Variants in ADAMTSL3 observed in about 807,000 individuals in gnomAD.
ADAMTSL3 encodes ADAMTS like 3.
In ADAMTSL3, 128 loss-of-function variants were observed where a neutral mutation model predicts 201.7. The ratio of observed to expected loss-of-function variants is 0.63; its 90% confidence interval spans 0.55 to 0.73. The LOEUF is 0.73. Ranked by LOEUF, ADAMTSL3 falls within the 30% of genes least tolerant of loss-of-function variation. ADAMTSL3 has a pLI of 0.00. For synonymous variants in ADAMTSL3, 738 were observed against 748.4 expected, an observed-to-expected ratio of 0.99 and a Z score of 0.23; for missense variants, 1,990 against 2,119.6, an observed-to-expected ratio of 0.94 and a Z score of 1.20.
intron 20 of ADAMTSL3, among the ~76,000 whole-genome samples, chr15:83,981,760 C>T (rs2067388151): frequency 6.6e-6 from 1 of 152,212 alleles, no homozygotes. Context: ...CCTTCAAATA[C>T]ATTTGCTCAC....
chr15:83,773,436 C>A, intron 3 of ADAMTSL3, 87 bp from the exon 4 acceptor site: 2 of 1,421,618 alleles, frequency 1.4e-6, no homozygotes, highest in African/African-American at 1.5e-5. Context: ...TCTGGAATAA[C>A]TGGGGAAGAT....
intron 4 of ADAMTSL3, among the ~76,000 whole-genome samples, chr15:83,788,013 A>G (rs1388205129): frequency 6.6e-6 from 1 of 152,176 alleles, no homozygotes; most frequent in African/African-American, 2.4e-5. Context: ...TTATTAAATT[A>G]TGCCTCTATA....
chr15:83,927,170 G>T (rs577550491), intron 17 of ADAMTSL3, among the ~76,000 whole-genome samples: 1 of 150,928 alleles, frequency 6.6e-6, no homozygotes, highest in Non-Finnish European at 1.5e-5. Context: ...AGGCTGGAGT[G>T]CAATGGCACA....
chr15:83,973,576 A>G (rs562512071), intron 20 of ADAMTSL3, among the ~76,000 whole-genome samples: 4 of 152,340 alleles, frequency 2.6e-5, no homozygotes, highest in South Asian at 4.1e-4. Context: ...TAGAGGGGCA[A>G]TAATGGCTTT....
At chr15:83,906,299 CAG>C (rs989734585) in intron 15 of ADAMTSL3, among the ~76,000 whole-genome samples, 3 of 152,088 alleles carry the variant, frequency 2.0e-5, no homozygotes, top group Non-Finnish European at 4.4e-5. Flanking sequence ...CCGTTTGGCT[CAG>C]AACTGCATTT....
intron 4 of ADAMTSL3, among the ~76,000 whole-genome samples, chr15:83,779,813 C>T (rs2063138441): frequency 6.6e-6 from 1 of 151,404 alleles, no homozygotes; most frequent in African/African-American, 2.4e-5. Flanking sequence ...AATTGAATAA[C>T]TTGCTTCTGA....
At chr15:83,979,976 C>T (rs1596492001) in intron 20 of ADAMTSL3, among the ~76,000 whole-genome samples, 1 of 152,200 alleles carries the variant, frequency 6.6e-6, no homozygotes, top group African/African-American at 2.4e-5. Flanking sequence ...ATTCTGATGT[C>T]CTGGCTGCAC....
At chr15:83,890,025 A>C (rs1305689584) in intron 10 of ADAMTSL3, 84 bp from the exon 11 acceptor site, 1 of 1,477,586 alleles carries the variant, frequency 6.8e-7, no homozygotes, top group African/African-American at 1.4e-5. Flanking sequence ...AAGAGGAAAA[A>C]AAAAAGTGTG....
At chr15:83,674,766 C>CATATATATATATATATGTATACAT in intron 2 of ADAMTSL3, among the ~76,000 whole-genome samples, 1 of 68,944 alleles carries the variant, frequency 1.5e-5, no homozygotes, top group South Asian at 6.6e-4. Flanking sequence ...CACATATATA[C>CATATATATATATATATGTATACAT]ATATATATAT....
chr15:83,951,305 T>C (rs1265500441), intron 19 of ADAMTSL3, among the ~76,000 whole-genome samples: 2 of 152,192 alleles, frequency 1.3e-5, no homozygotes, highest in African/African-American at 4.8e-5. Context: ...TCTGTTGATA[T>C]GATGTATTAC....
At chr15:83,868,156 G>T (rs970168957) in intron 8 of ADAMTSL3, among the ~76,000 whole-genome samples, 2 of 151,978 alleles carry the variant, frequency 1.3e-5, no homozygotes. Flanking sequence ...TCCTGGGGTC[G>T]CCTACACACT....
chr15:83,848,629 GA>G (rs2064549418), intron 7 of ADAMTSL3, among the ~76,000 whole-genome samples: 1 of 152,198 alleles, frequency 6.6e-6, no homozygotes, highest in Non-Finnish European at 1.5e-5. Context: ...TCTCATAGTA[GA>G]AGGATTTAAA....
chr15:83,887,900 A>AT (rs900738366), intron 10 of ADAMTSL3, among the ~76,000 whole-genome samples: 11 of 151,586 alleles, frequency 7.3e-5, no homozygotes, highest in South Asian at 4.2e-4. Context: ...TCAAACATCT[A>AT]TTTTTTTTTA....
intron 2 of ADAMTSL3, among the ~76,000 whole-genome samples, chr15:83,660,865 G>A (rs2061152724): frequency 6.6e-6 from 1 of 150,776 alleles, no homozygotes; most frequent in Admixed American, 6.6e-5. Context: ...CCATGCCTAT[G>A]TCCTGAATGG....
intron 19 of ADAMTSL3, among the ~76,000 whole-genome samples, chr15:83,967,427 C>T (rs1567270031): frequency 6.6e-6 from 1 of 152,140 alleles, no homozygotes; most frequent in Non-Finnish European, 1.5e-5. Context: ...CTCCCATTCA[C>T]AATTGCTACA....
intron 3 of ADAMTSL3, among the ~76,000 whole-genome samples, chr15:83,764,738 C>T: frequency 6.6e-6 from 1 of 152,056 alleles, no homozygotes; most frequent in East Asian, 1.9e-4. Flanking sequence ...TTCATGGTTT[C>T]CCTGTACCCT....
At chr15:83,941,221 A>G (rs959709400) in intron 17 of ADAMTSL3, among the ~76,000 whole-genome samples, 3 of 151,844 alleles carry the variant, frequency 2.0e-5, no homozygotes, top group East Asian at 1.9e-4. Flanking sequence ...CTTTTGTCCT[A>G]TTATATCTGC....
chr15:83,893,985 C>T (rs1471759834), intron 13 of ADAMTSL3, among the ~76,000 whole-genome samples: 1 of 151,988 alleles, frequency 6.6e-6, no homozygotes, highest in Non-Finnish European at 1.5e-5. Context: ...GGTCAGCTAC[C>T]ATACTAAGAA....
intron 23 of ADAMTSL3, 132 bp downstream of exon 23, chr15:83,991,346 T>C: frequency 7.6e-7 from 1 of 1,317,298 alleles, no homozygotes; most frequent in Non-Finnish European, 1.1e-6. Context: ...AAAAAGATTT[T>C]CCAGCACACT....
Sources: gnomAD v4.1 joint callset for allele counts (sites outside exome capture counted in the v4.1 genomes callset) on GRCh38, gnomAD v4.1.1 for gene constraint, MANE v1.5 for transcripts, NCBI Gene and HGNC (gene_info 2026-07-23, HGNC 2026-07-21) for gene names.